Variants in PHACTR2 observed in about 807,000 individuals in gnomAD.
PHACTR2 encodes the protein chromosome 6 open reading frame 56.
In PHACTR2, 30 loss-of-function variants were observed where a neutral mutation model predicts 76.0. The ratio of observed to expected loss-of-function variants is 0.39; its 90% confidence interval spans 0.30 to 0.54. PHACTR2 has a LOEUF of 0.54. Among genes scored for constraint, PHACTR2 ranks in the 20% least tolerant of loss-of-function variants. PHACTR2 has a pLI of 0.61. For missense variants in PHACTR2, 696 were observed against 781.1 expected, an observed-to-expected ratio of 0.89 and a Z score of 1.30; for synonymous variants, 292 against 292.5, an observed-to-expected ratio of 1.00 and a Z score of 0.02.
rs1778164518 is a variant in PHACTR2, at chr6:143,710,987, C to G, written c.47-1029C>G. ...CAGTACACTTCACCTCTAAACACTT[C>G]AGCATACATGTCATTAATTAGACTT... On this transcript the variant is annotated intron_variant, in intron 1 of 12. Coordinates refer to ENST00000440869, the MANE Select transcript of PHACTR2 (RefSeq NM_001100164.2). This position sits in a 1 kb window ranked among gnomAD's most constrained non-coding sequence, Gnocchi z 4.9. 2.0e-6 allele frequency: 1 copy of G among 511,442 alleles called. No individual in the cohort carries two copies. The highest frequency in any genetic ancestry group is 2.0e-5 in the Admixed American group (1 of 50,062). 31.7% of individuals were successfully genotyped at this position (511,442 alleles called of 1,614,324 possible).
intron 2 of PHACTR2, among the ~76,000 whole-genome samples, chr6:143,728,820 T>C (rs1778635413): frequency 6.6e-6 from 1 of 152,092 alleles, no homozygotes; most frequent in Non-Finnish European, 1.5e-5. Context: ...TGTCTCACAG[T>C]ATATAAAAAT....
rs1775487579 is a variant in PHACTR2 at position 143,783,784 on chromosome 6, A to G, written c.1707+504A>G. On this transcript the variant is annotated intron_variant, in intron 10 of 12. Coordinates refer to ENST00000440869, the MANE Select transcript of PHACTR2 (RefSeq NM_001100164.2). The surrounding 1 kb of genome is among the most constrained non-coding windows in gnomAD (Gnocchi z 5.2). ...GTGTGAAAATTTTTAAAGACACAAA[A>G]AAAGAAAAAAATAAAATCATGTCTT... is the stretch of plus-strand genomic sequence containing the variant. Among the ~76,000 whole-genome samples, 1 of 152,218 alleles carries G rather than the reference A, an allele frequency of 6.6e-6. No individual in the cohort carries two copies. The highest frequency in any genetic ancestry group is 1.5e-5 in the Non-Finnish European group (1 of 68,042).
intron 2 of PHACTR2, among the ~76,000 whole-genome samples, chr6:143,716,300 A>G (rs1184900890): frequency 6.6e-6 from 1 of 152,022 alleles, no homozygotes; most frequent in Non-Finnish European, 1.5e-5. Flanking sequence ...CTCAGGTAGG[A>G]GTATTTAGGT....
rs1286476997 is a variant in PHACTR2, at chr6:143,592,657, T to C, written c.217+55450T>C. ...CATCTCATCGATAAAGCCATGCGTA[T>C]ATGAAGCATAAATGAATTTCCTACT... On this transcript the variant is annotated intron_variant, in intron 1 of 11. Coordinates refer to the PHACTR2 transcript ENST00000367584. This position sits in a 1 kb window ranked among gnomAD's most constrained non-coding sequence, Gnocchi z 4.0. Among the ~76,000 whole-genome samples, 1 of 152,176 alleles carries C rather than the reference T, an allele frequency of 6.6e-6. No homozygotes were observed. The highest frequency in any genetic ancestry group is 1.9e-4 in the East Asian group (1 of 5,192).
In PHACTR2 at chr6:143,664,200, A is replaced by G. The variant is rs554501881; in HGVS notation, c.14-47816A>G. Among the ~76,000 whole-genome samples, 1 of 152,206 alleles carries G rather than the reference A, an allele frequency of 6.6e-6. No individual in the cohort carries two copies. The highest frequency in any genetic ancestry group is 1.5e-5 in the Non-Finnish European group (1 of 67,962). The stretch of plus-strand genomic sequence containing the variant: ...TTTTACCTTCAGTTTTAATTTATCT[A>G]TTATTAATATTGAGATTATAAATTT... On this transcript the variant is annotated intron_variant, in intron 1 of 11. Transcript: ENST00000305766. This position sits in a 1 kb window ranked among gnomAD's most constrained non-coding sequence, Gnocchi z 5.1.
At chr6:143,620,719 C>G (rs1165290492) in intron 1 of PHACTR2, among the ~76,000 whole-genome samples, 10 of 152,218 alleles carry the variant, frequency 6.6e-5, no homozygotes, top group Non-Finnish European at 1.5e-4. Context: ...GGCCAACCCA[C>G]AAGGCATAGG....
In PHACTR2 at chr6:143,743,950, G is replaced by A. The variant is rs770365476; in HGVS notation, c.215-5035G>A. ...AATATGAAATCCCAGCCAAGTATCC[G>A]CAGAAAAAAGCCAGCGGCATATGCT... On this transcript the variant is annotated intron_variant, in intron 2 of 12. Transcript: ENST00000440869. The surrounding 1 kb of genome is among the most constrained non-coding windows in gnomAD (Gnocchi z 5.0). Among the ~76,000 whole-genome samples the A allele has an allele frequency of 3.3e-5, 5 of 152,132 alleles. No individual in the cohort carries two copies. The highest frequency in any genetic ancestry group is 3.2e-3 in the Middle Eastern group (1 of 316).
At position 143,618,256 on chromosome 6, in the gene PHACTR2, AACAC is replaced by A. The variant is rs66800720; in HGVS notation, c.13+9961_13+9964del. Among the ~76,000 whole-genome samples, 118 of 145,284 alleles carry A rather than the reference AACAC, an allele frequency of 8.1e-4. 1 individual carries two copies. The highest frequency in any genetic ancestry group is 1.1e-3 in the South Asian group (5 of 4,488). On this transcript the variant is annotated intron_variant, in intron 1 of 11. Coordinates refer to the PHACTR2 transcript ENST00000305766. This position sits in a 1 kb window ranked among gnomAD's most constrained non-coding sequence, Gnocchi z 5.2. The stretch of plus-strand genomic sequence containing the variant: ...GTTCCACCTTGTACTTCCTGCTCCA[AACAC>A]ACACACACACACACACACACACACA...
intron 1 of PHACTR2, among the ~76,000 whole-genome samples, chr6:143,582,111 A>G (rs1163698329): frequency 6.6e-6 from 1 of 152,238 alleles, no homozygotes; most frequent in Non-Finnish European, 1.5e-5. Flanking sequence ...ACTAGAATTT[A>G]TACCACCTGT....
chr6:143,788,655 T>TG, intron 10 of PHACTR2, 118 bp from the exon 11 acceptor site: 1 of 626,926 alleles, frequency 1.6e-6, no homozygotes, highest in East Asian at 2.9e-5. Context: ...TTTTTTTTTT[T>TG]TTGATCTGAA....
rs972931642 is a variant in PHACTR2, at chr6:143,592,547, C to A, written c.217+55340C>A. ...CGACTAATACTCTATAGGGGCCATT[C>A]CCTTGATTTGGTCACTCATCCTCTT... is the stretch of plus-strand genomic sequence containing the variant. On this transcript the variant is annotated intron_variant, in intron 1 of 11. Coordinates refer to the PHACTR2 transcript ENST00000367584. This position sits in a 1 kb window ranked among gnomAD's most constrained non-coding sequence, Gnocchi z 4.0. Among the ~76,000 whole-genome samples, 1 of 152,152 alleles carries A rather than the reference C, an allele frequency of 6.6e-6. No individual in the cohort carries two copies. Among genetic ancestry groups the A allele is most frequent in the Non-Finnish European group, 1.5e-5 (1 of 68,030 alleles).
At position 143,739,411 on chromosome 6, in the gene PHACTR2, A is replaced by ACGG. The variant is rs1778893389; in HGVS notation, c.215-9574_215-9573insCGG. On this transcript the variant is annotated intron_variant, in intron 2 of 12. Transcript: ENST00000440869. The surrounding 1 kb of genome is among the most constrained non-coding windows in gnomAD (Gnocchi z 4.3). ...TCTCTAGCCTGTTCTTTTTGGGACGAGATTAGAGTGTAATTTCTCTAGGGA... is the reference window on the plus strand; with the variant it reads ...TCTCTAGCCTGTTCTTTTTGGGACGACGGGATTAGAGTGTAATTTCTCTAGGGA... 6.6e-6 allele frequency among the ~76,000 whole-genome samples: 1 copy of ACGG among 152,064 alleles called. No homozygotes were observed.
chr6:143,823,377 T>C lies in PHACTR2; in HGVS notation c.1923-297T>C, dbSNP rs912856751. Reference sequence around the variant, plus strand: ...AAGGTTAGAGCACGATGCTCAAGAATAGTGATGTTTTCTGTCTTGGTTGCT... The same window carrying C: ...AAGGTTAGAGCACGATGCTCAAGAACAGTGATGTTTTCTGTCTTGGTTGCT... On this transcript the variant is annotated intron_variant, in intron 12 of 12. Coordinates refer to ENST00000440869, the MANE Select transcript of PHACTR2 (RefSeq NM_001100164.2). The surrounding 1 kb of genome is among the most constrained non-coding windows in gnomAD (Gnocchi z 5.7). Among the ~76,000 whole-genome samples the C allele has an allele frequency of 6.6e-5, 10 of 152,212 alleles. No homozygotes were observed. Among genetic ancestry groups the C allele is most frequent in the African/African-American group, 1.9e-4 (8 of 41,454 alleles).
At chr6:143,687,646 A>G (rs1777553797) in intron 1 of PHACTR2, among the ~76,000 whole-genome samples, 1 of 152,224 alleles carries the variant, frequency 6.6e-6, no homozygotes, top group Admixed American at 6.5e-5. Context: ...ATTTATATTT[A>G]TAAACCATCC....
intron 11 of PHACTR2, among the ~76,000 whole-genome samples, chr6:143,791,000 A>G (rs1411590739): frequency 6.6e-6 from 1 of 152,158 alleles, no homozygotes; most frequent in Admixed American, 6.5e-5. Context: ...AACTTAATAC[A>G]GTCGAATTTA....
At chr6:143,781,767 A>G (rs191291755) in intron 9 of PHACTR2, among the ~76,000 whole-genome samples, 2 of 152,362 alleles carry the variant, frequency 1.3e-5, no homozygotes, top group Non-Finnish European at 2.9e-5. Context: ...TTGTGAAGCA[A>G]TTAAAACCCT....
At chr6:143,566,422 T>C (rs1441002461) in intron 1 of PHACTR2, among the ~76,000 whole-genome samples, 1 of 152,120 alleles carries the variant, frequency 6.6e-6, no homozygotes, top group Non-Finnish European at 1.5e-5. Context: ...GCCTCACAAG[T>C]AGCTGGGACT....
intron 1 of PHACTR2, among the ~76,000 whole-genome samples, chr6:143,564,181 G>GTGTATA (rs1554287823): frequency 1.6e-4 from 9 of 56,264 alleles, no homozygotes; most frequent in Admixed American, 2.1e-4. Context: ...ATGTGTGTGT[G>GTGTATA]TATGTGTGTG....
upstream of PHACTR2, among the ~76,000 whole-genome samples, chr6:143,605,295 G>A (rs547639465): frequency 6.6e-6 from 1 of 152,066 alleles, no homozygotes; most frequent in Non-Finnish European, 1.5e-5. This position sits in a 1 kb window ranked among gnomAD's most constrained non-coding sequence, Gnocchi z 5.0. Flanking sequence ...AAATGGGAAC[G>A]AACCCCATGT....
Sources: gnomAD v4.1 joint callset for allele counts (sites outside exome capture counted in the v4.1 genomes callset) on GRCh38, gnomAD v4.1.1 for gene constraint, Gnocchi (gnomAD v3.1) non-coding constraint, MANE v1.5 for transcripts, NCBI Gene and HGNC (gene_info 2026-07-23, HGNC 2026-07-21) for gene names.